The following SMAD6 variants were observed in gnomAD, a reference collection of about 807,000 sequenced individuals.
SMAD6 encodes SMAD family member 6.
Under a neutral mutation model 39.4 loss-of-function variants are expected in SMAD6, and 103 were observed. The observed-to-expected ratio is 2.62, with a 90% CI of 2.23 to 3.08. SMAD6 has a LOEUF of 3.08. Ranked by LOEUF, SMAD6 falls within the 30% of genes most tolerant of loss-of-function variation. The probability of loss-of-function intolerance (pLI) is 0.00; values close to 1 mark genes in which losing one functional copy is unlikely to be tolerated. For synonymous variants in SMAD6, 445 were observed against 353.3 expected (o/e 1.26, Z -2.91); for missense variants, 1,104 against 742.9 (o/e 1.49, Z -5.65).
chr15:66,755,032 G>A (rs530340088), intron 3 of SMAD6, among the ~76,000 whole-genome samples: 2 of 152,214 alleles, frequency 1.3e-5, no homozygotes, highest in Non-Finnish European at 2.9e-5. Context: ...CCTTCTCTGG[G>A]CCTGTAAATT....
At chr15:66,736,919 C>T (rs1264814369) in intron 3 of SMAD6, among the ~76,000 whole-genome samples, 6 of 152,296 alleles carry the variant, frequency 3.9e-5, no homozygotes, top group South Asian at 2.1e-4. Context: ...CCACCCACCT[C>T]GGCCTCCCAA....
chr15:66,751,092 T>C (rs1893997591), intron 3 of SMAD6, among the ~76,000 whole-genome samples: 1 of 152,198 alleles, frequency 6.6e-6, no homozygotes, highest in South Asian at 2.1e-4. Flanking sequence ...CCCTGCCTTT[T>C]GGAGAACAAA....
chr15:66,751,615 T>C (rs1277261920), intron 3 of SMAD6, among the ~76,000 whole-genome samples: 2 of 152,182 alleles, frequency 1.3e-5, no homozygotes, highest in African/African-American at 4.8e-5. Context: ...TGTGTCAAGG[T>C]CAATGCAAAG....
At chr15:66,736,810 C>G (rs1893720072) in intron 3 of SMAD6, among the ~76,000 whole-genome samples, 1 of 152,136 alleles carries the variant, frequency 6.6e-6, no homozygotes, top group African/African-American at 2.4e-5. Flanking sequence ...GTTGGGATTA[C>G]AGGCATCCGC....
intron 3 of SMAD6, among the ~76,000 whole-genome samples, chr15:66,749,577 C>T (rs1893964722): frequency 6.6e-6 from 1 of 152,126 alleles, no homozygotes; most frequent in African/African-American, 2.4e-5. Context: ...ATGATAGCTC[C>T]ACTGTACTCC....
intron 3 of SMAD6, among the ~76,000 whole-genome samples, chr15:66,756,040 A>AC (rs1388915593): frequency 6.6e-6 from 1 of 151,776 alleles, no homozygotes; most frequent in Non-Finnish European, 1.5e-5. Flanking sequence ...TAAAAAAAAA[A>AC]AAAACTAATT....
chr15:66,704,049 A>G lies in SMAD6; in HGVS notation c.791A>G (p.Tyr264Cys), dbSNP rs750855608. ...ADGPTVCCNP[Y>C]HFSRLCGPES... ...GGCCCTACCGTGTGCTGCAACCCCTACCACTTCAGCCGGCTCTGCGGGCCC... is the reference window on the plus strand; with the variant it reads ...GGCCCTACCGTGTGCTGCAACCCCTGCCACTTCAGCCGGCTCTGCGGGCCC... The change falls in exon 1 of 4, where the codon TAC (tyrosine) becomes TGC (cysteine). Residue 264 changes from tyrosine (Y) to cysteine (C), a missense_variant. Coordinates refer to ENST00000288840, the MANE Select transcript of SMAD6 (RefSeq NM_005585.5). 3.3e-6 allele frequency: 5 copies of G among 1,507,104 alleles called. No individual in the cohort carries two copies. Among genetic ancestry groups the G allele is most frequent in the East Asian group, 2.8e-5 (1 of 35,558 alleles). The allele number at this position is 1,507,104 out of a possible 1,614,324, so 93.4% of individuals were successfully genotyped here.
chr15:66,780,941 G>A, intron 3 of SMAD6, 56 bp from the exon 4 acceptor site: 2 of 1,484,984 alleles, frequency 1.3e-6, no homozygotes, highest in Non-Finnish European at 1.8e-6. Flanking sequence ...CCGCTCCTCG[G>A]TGCCTCCCAC....
intron 3 of SMAD6, among the ~76,000 whole-genome samples, chr15:66,744,310 C>T (rs542984163): frequency 4.6e-5 from 7 of 152,318 alleles, no homozygotes; most frequent in African/African-American, 1.7e-4. Flanking sequence ...GCTGTGTGGC[C>T]TGCCTCGGGC....
intron 3 of SMAD6, among the ~76,000 whole-genome samples, chr15:66,721,690 G>A (rs1219143217): frequency 6.6e-6 from 1 of 152,192 alleles, no homozygotes; most frequent in African/African-American, 2.4e-5. Context: ...AGTCAGCCAA[G>A]GCCTGTCACA....
intron 3 of SMAD6, among the ~76,000 whole-genome samples, chr15:66,717,891 A>G (rs1016850922): frequency 6.6e-6 from 1 of 152,194 alleles, no homozygotes; most frequent in African/African-American, 2.4e-5. Context: ...AGGCCCAACC[A>G]GATGAACGCA....
Position 66,703,516 on chromosome 15 carries a change from AGG to A in SMAD6, c.262_263del (p.Gly88ProfsTer32). Reference protein sequence around the residue: ...AQGAGRRRRAGGPPRPMSEPG... With the variant: ...AQGAGRRRRAXGPPRPMSEPG... ...AGGGCGCGGGGAGGCGCCGGCGCGC[AGG>A]GGGCCCCCCGAGGCCCATGTCGGAG... On this transcript the variant is annotated frameshift_variant, in exon 1 of 4. Transcript: ENST00000288840. LOFTEE classifies it high-confidence loss of function. 2 of 1,222,238 alleles carry A rather than the reference AGG, an allele frequency of 1.6e-6. No individual in the cohort carries two copies. Among genetic ancestry groups the A allele is most frequent in the Non-Finnish European group, 2.0e-6 (2 of 979,184 alleles). The allele number at this position is 1,222,238 out of a possible 1,614,324, so 75.7% of individuals were successfully genotyped here. A position where few individuals can be genotyped will look rare whatever the true frequency, so the allele number is the denominator to read the frequency against.
intron 3 of SMAD6, among the ~76,000 whole-genome samples, chr15:66,756,505 C>T (rs531545967): frequency 2.6e-5 from 4 of 152,278 alleles, no homozygotes; most frequent in South Asian, 2.1e-4. Context: ...CTATTTTTAA[C>T]GGTTTCAGGA....
intron 3 of SMAD6, among the ~76,000 whole-genome samples, chr15:66,773,217 G>A (rs1169433505): frequency 6.6e-6 from 1 of 151,862 alleles, no homozygotes; most frequent in African/African-American, 2.4e-5. Context: ...GGTGGGGGGT[G>A]GGGAGGGGTG....
chr15:66,714,982 G>A (rs140689909), intron 2 of SMAD6, among the ~76,000 whole-genome samples: 548 of 150,972 alleles, frequency 3.6e-3, no homozygotes, highest in Non-Finnish European at 4.8e-3. Flanking sequence ...GGGAACATTA[G>A]GTATTAAAAG....
chr15:66,703,567 C>G lies in SMAD6; in HGVS notation c.309C>G (p.Ser103=). The change falls in exon 1 of 4, where the codon TCC becomes TCG. Residue 103 remains serine, a synonymous_variant. Transcript: ENST00000288840. ...MSEPGAGAGS[S]LLDVAEPGGP... The stretch of plus-strand genomic sequence containing the variant: ...AGCCAGGGGCCGGCGCTGGGAGCTC[C>G]CTGCTGGACGTGGCGGAGCCGGGAG... 2 of 1,224,228 alleles carry G rather than the reference C, an allele frequency of 1.6e-6. No homozygotes were observed. 75.8% of individuals were successfully genotyped at this position (1,224,228 alleles called of 1,614,324 possible). A position where few individuals can be genotyped will look rare whatever the true frequency, so the allele number is the denominator to read the frequency against.
At chr15:66,705,030 T>C (rs1893081073) in intron 1 of SMAD6, 1 of 152,394 alleles carries the variant, frequency 6.6e-6, no homozygotes, top group Non-Finnish European at 1.5e-5. Context: ...CTCTGAGGGA[T>C]GTATGGGAAT....
rs202141433 is a variant in SMAD6, at chr15:66,780,993, G to A, written c.953-4G>A. ...ACGCGGCGGTCCCTGTGCTTGTCCC[G>A]CAGACGCCAGCATGTCTCCGGACGC... On this transcript the variant is annotated splice_polypyrimidine_tract_variant and splice_region_variant and intron_variant, in intron 3 of 3. Coordinates refer to ENST00000288840, the MANE Select transcript of SMAD6 (RefSeq NM_005585.5). 2.6e-6 allele frequency: 4 copies of A among 1,558,622 alleles called. No individual in the cohort carries two copies. The highest frequency in any genetic ancestry group is 2.4e-5 in the East Asian group (1 of 42,208).
intron 1 of SMAD6, 125 bp from the exon 2 acceptor site, chr15:66,711,543 G>A: frequency 1.3e-6 from 1 of 768,384 alleles, no homozygotes; most frequent in Non-Finnish European, 2.3e-6. Flanking sequence ...CAGAGGAGGT[G>A]GGACAAAGGG....
Sources: gnomAD v4.1 joint callset for allele counts (sites outside exome capture counted in the v4.1 genomes callset) on GRCh38, gnomAD v4.1.1 for gene constraint, MANE v1.5 for transcripts, NCBI Gene and HGNC (gene_info 2026-07-23, HGNC 2026-07-21) for gene names.